Variants in IQGAP3 observed in about 807,000 individuals in gnomAD.
IQGAP3 encodes IQ motif containing GTPase activating protein 3.
Under a neutral mutation model 208.2 loss-of-function variants are expected in IQGAP3, and 165 were observed. The observed-to-expected ratio is 0.79, with a 90% CI of 0.70 to 0.90. The LOEUF (loss-of-function observed/expected upper bound fraction) is 0.90, where lower values mean the gene tolerates loss of function less well. IQGAP3 is among the 40% of genes least tolerant of loss of function. The pLI is 0.00. For missense variants in IQGAP3, 1,811 were observed against 2,043.1 expected, an observed-to-expected ratio of 0.89 and a Z score of 2.19; for synonymous variants, 703 against 803.6, an observed-to-expected ratio of 0.87 and a Z score of 2.12.
intron 27 of IQGAP3, among the ~76,000 whole-genome samples, chr1:156,536,472 G>A (rs868146412): frequency 1.1e-4 from 16 of 152,190 alleles, no homozygotes; most frequent in African/African-American, 3.9e-4. Flanking sequence ...AGTCTGGGGA[G>A]GGTAGGAGAA....
At chr1:156,539,784 T>C (rs1674886672) in intron 24 of IQGAP3, 54 bp downstream of exon 24, 1 of 1,599,012 alleles carries the variant, frequency 6.3e-7, no homozygotes, top group African/African-American at 1.3e-5. Flanking sequence ...GGCCTTGAAG[T>C]CTCAGACCCT....
rs766850325 is a variant in IQGAP3 at position 156,527,947 on chromosome 1, C to T, written c.4782+5G>A. On this transcript the variant is annotated splice_donor_5th_base_variant and intron_variant, in intron 37 of 37. Transcript: ENST00000361170. The stretch of plus-strand genomic sequence containing the variant: ...TCCTGCAGGCTCATGGGACTGTCCC[C>T]TCACCTGATAGTGAAGCTGAAATCG... 3 of 1,601,250 alleles carry T rather than the reference C, an allele frequency of 1.9e-6. No homozygotes were observed. Among genetic ancestry groups the T allele is most frequent in the Admixed American group, 1.7e-5 (1 of 60,020 alleles).
intron 27 of IQGAP3, chr1:156,536,836 G>C (rs533527849): frequency 8.9e-5 from 16 of 180,742 alleles, no homozygotes; most frequent in Middle Eastern, 2.5e-3. Flanking sequence ...AGTACTTTAT[G>C]GGCTTAAAAT....
intron 13 of IQGAP3, among the ~76,000 whole-genome samples, chr1:156,553,293 A>G (rs756478387): frequency 2.0e-5 from 3 of 152,118 alleles, no homozygotes; most frequent in Non-Finnish European, 4.4e-5. Context: ...GGCCTCGGCT[A>G]CTTGGTCTTC....
Position 156,554,313 on chromosome 1 carries a change from C to A in IQGAP3, c.1370G>T (p.Arg457Leu). ...GCTGCTCCAGAAGCCACTGGCATCC[C>A]GGGCCTCCAGGGCCCGGTTAATCAG... The part of the protein sequence containing the change: ...VVLINRALEA[R>L]DASGFWSSLV... Residue 457 changes from arginine (R) to leucine (L), a missense_variant, in exon 13 of 38, where the codon CGG becomes CTG. Coordinates refer to ENST00000361170, the MANE Select transcript of IQGAP3 (RefSeq NM_178229.5). 3.1e-6 allele frequency: 5 copies of A among 1,614,182 alleles called. No individual in the cohort carries two copies. The highest frequency in any genetic ancestry group is 4.2e-6 in the Non-Finnish European group (5 of 1,180,016).
intron 37 of IQGAP3, among the ~76,000 whole-genome samples, chr1:156,527,460 G>A (rs913464589): frequency 1.4e-4 from 22 of 152,160 alleles, no homozygotes; most frequent in Admixed American, 3.3e-4. Context: ...CCTGGGTGAC[G>A]GAGTAAGGCT....
At chr1:156,568,166 GA>G (rs553219565) in intron 2 of IQGAP3, among the ~76,000 whole-genome samples, 173 of 151,340 alleles carry the variant, frequency 1.1e-3, no homozygotes, top group Non-Finnish European at 1.4e-3. Flanking sequence ...CTGAGTGGGG[GA>G]AAAAAAACCA....
At chr1:156,569,092 T>A (rs1173231340) in intron 2 of IQGAP3, among the ~76,000 whole-genome samples, 3 of 152,140 alleles carry the variant, frequency 2.0e-5, no homozygotes, top group Non-Finnish European at 4.4e-5. Context: ...GGCTTGGGTA[T>A]TGATCTTCCA....
intron 19 of IQGAP3, among the ~76,000 whole-genome samples, chr1:156,545,787 C>T (rs1232012803): frequency 6.6e-6 from 1 of 152,170 alleles, no homozygotes; most frequent in Non-Finnish European, 1.5e-5. Context: ...GCGTGAGCCA[C>T]CATGCTTGGC....
intron 18 of IQGAP3, 29 bp downstream of exon 18, chr1:156,548,319 T>A (rs1234013135): frequency 1.9e-6 from 3 of 1,610,002 alleles, no homozygotes; most frequent in East Asian, 2.2e-5. Context: ...CTATCCAAGA[T>A]CCCCTACCCT....
chr1:156,539,768 C>G, intron 24 of IQGAP3, 70 bp downstream of exon 24: 1 of 1,562,546 alleles, frequency 6.4e-7, no homozygotes, highest in Non-Finnish European at 8.8e-7. Flanking sequence ...AACGCACAGA[C>G]AAGAAGGCCT....
At chr1:156,537,405 C>T in intron 26 of IQGAP3, 84 bp from the exon 27 acceptor site, 2 of 1,338,078 alleles carry the variant, frequency 1.5e-6, no homozygotes, top group South Asian at 1.5e-5. Context: ...AAACGCTTGT[C>T]TAACAACAAG....
intron 9 of IQGAP3, 26 bp downstream of exon 9, chr1:156,562,561 A>G: frequency 5.0e-6 from 8 of 1,596,940 alleles, no homozygotes. Flanking sequence ...GTCACCCCCA[A>G]ACCACTCCTG....
chr1:156,549,355 C>G (rs1675428520), intron 16 of IQGAP3, among the ~76,000 whole-genome samples: 1 of 151,588 alleles, frequency 6.6e-6, no homozygotes, highest in African/African-American at 2.4e-5. Context: ...CCTATAATCC[C>G]AACTACTCGG....
intron 12 of IQGAP3, among the ~76,000 whole-genome samples, chr1:156,555,461 A>G (rs1675783097): frequency 6.6e-6 from 1 of 152,258 alleles, no homozygotes; most frequent in African/African-American, 2.4e-5. Flanking sequence ...CCTGGCCTCA[A>G]GTGATCTGCC....
At chr1:156,544,705 C>T (rs1675149052) in intron 19 of IQGAP3, among the ~76,000 whole-genome samples, 1 of 152,136 alleles carries the variant, frequency 6.6e-6, no homozygotes, top group East Asian at 1.9e-4. Flanking sequence ...AGAACAAACA[C>T]CCACATACCC....
chr1:156,533,178 C>A, intron 31 of IQGAP3, 72 bp from the exon 32 acceptor site: 1 of 1,569,034 alleles, frequency 6.4e-7, no homozygotes, highest in African/African-American at 1.3e-5. Flanking sequence ...TACACACACA[C>A]ACATGCACCG....
At chr1:156,556,790 G>C in intron 11 of IQGAP3, 97 bp from the exon 12 acceptor site, 1 of 1,202,992 alleles carries the variant, frequency 8.3e-7, no homozygotes, top group Non-Finnish European at 1.1e-6. Context: ...TCTTGGTGGG[G>C]AAATGGCTTT....
Position 156,534,549 on chromosome 1 carries a change from T to G in IQGAP3, c.3692A>C (p.His1231Pro). The change falls in exon 29 of 38, where the codon CAC (histidine) becomes CCC (proline). Residue 1231 changes from histidine to proline, a missense_variant. Transcript: ENST00000361170. Reference sequence around the variant, plus strand: ...CAGATAGTCATTCAGGACCCGTAGGTGCTGGCTCTGCCCAGAGAAGGCCTT... The same window carrying G: ...CAGATAGTCATTCAGGACCCGTAGGGGCTGGCTCTGCCCAGAGAAGGCCTT... ...AGKAFSGQSQ[H>P]LRVLNDYLEE... 6.2e-7 allele frequency: 1 copy of G among 1,609,376 alleles called. No homozygotes were observed. Among genetic ancestry groups the G allele is most frequent in the Non-Finnish European group, 8.5e-7 (1 of 1,177,604 alleles).
Sources: allele counts gnomAD v4.1 joint callset (sites outside exome capture counted in the v4.1 genomes callset), GRCh38; gene constraint gnomAD v4.1.1; transcripts MANE v1.5; gene names NCBI Gene and HGNC (gene_info 2026-07-23, HGNC 2026-07-21).